ZNF385D: variants seen among roughly 807,000 people sequenced by gnomAD.
ZNF385D encodes the protein zinc finger protein 659.
ZNF385D carries 15 observed loss-of-function variants against 35.8 expected under a neutral mutation model. The observed-to-expected ratio is 0.42, with a 90% confidence interval of 0.28 to 0.64. ZNF385D has a LOEUF of 0.64. ZNF385D is among the 30% of genes least tolerant of loss of function. The pLI is 0.23. For synonymous variants in ZNF385D, 212 were observed against 186.8 expected (o/e 1.13, Z -1.10); for missense variants, 474 against 494.6 (o/e 0.96, Z 0.39).
intron 3 of ZNF385D, among the ~76,000 whole-genome samples, chr3:22,061,494 A>G (rs552729591): frequency 1.3e-4 from 20 of 152,178 alleles, no homozygotes; most frequent in African/African-American, 3.6e-4. Flanking sequence ...CTCACTCTTA[A>G]AAGTATACCA....
chr3:22,095,755 G>A (rs186373573), intron 3 of ZNF385D, among the ~76,000 whole-genome samples: 192 of 151,930 alleles, frequency 1.3e-3, no homozygotes, highest in African/African-American at 4.3e-3. Context: ...ATTTCATTAT[G>A]TGGCATCAGT....
intron 3 of ZNF385D, among the ~76,000 whole-genome samples, chr3:21,928,560 A>G (rs34815085): frequency 0.54 from 81,643 of 151,990 alleles, 23,975 homozygotes; most frequent in Non-Finnish European, 0.66. Context: ...ATATTTCATA[A>G]TTTGTTATTT....
intron 2 of ZNF385D, among the ~76,000 whole-genome samples, chr3:22,203,299 A>C (rs545974248): frequency 5.9e-5 from 9 of 152,194 alleles, no homozygotes; most frequent in African/African-American, 2.2e-4. Flanking sequence ...ACAGAAGGGA[A>C]TATGCTGCCT....
intron 1 of ZNF385D, among the ~76,000 whole-genome samples, chr3:21,690,500 C>G (rs748957065): frequency 6.6e-6 from 1 of 152,172 alleles, no homozygotes; most frequent in Non-Finnish European, 1.5e-5. Context: ...CCCAACTTAA[C>G]TTCTTAATTT....
At chr3:22,141,614 G>A (rs1704507957) in intron 3 of ZNF385D, among the ~76,000 whole-genome samples, 1 of 152,116 alleles carries the variant, frequency 6.6e-6, no homozygotes, top group Non-Finnish European at 1.5e-5. Flanking sequence ...CTGGCCTGCT[G>A]TTCACCTTGT....
intron 2 of ZNF385D, among the ~76,000 whole-genome samples, chr3:22,331,847 C>T (rs754579854): frequency 6.6e-6 from 1 of 152,100 alleles, no homozygotes; most frequent in African/African-American, 2.4e-5. Context: ...AGATTCAAAA[C>T]TGACATCATT....
At chr3:21,865,828 T>A (rs1308049564) in intron 3 of ZNF385D, among the ~76,000 whole-genome samples, 1 of 152,110 alleles carries the variant, frequency 6.6e-6, no homozygotes, top group Non-Finnish European at 1.5e-5. Flanking sequence ...CTTTACTACT[T>A]CAATACAACC....
chr3:22,200,964 T>C (rs919369845), intron 2 of ZNF385D, among the ~76,000 whole-genome samples: 6 of 152,150 alleles, frequency 3.9e-5, no homozygotes, highest in African/African-American at 1.2e-4. Flanking sequence ...AGATTTCATA[T>C]TGTTCAAACA....
chr3:21,688,142 T>C, intron 1 of ZNF385D, among the ~76,000 whole-genome samples: 1 of 152,242 alleles, frequency 6.6e-6, no homozygotes, highest in South Asian at 2.1e-4. Context: ...CTCTACTGCT[T>C]TCTTTTTTTA....
intron 3 of ZNF385D, among the ~76,000 whole-genome samples, chr3:22,080,636 A>G (rs999531804): frequency 1.3e-5 from 2 of 152,068 alleles, no homozygotes; most frequent in African/African-American, 2.4e-5. Context: ...TATCCATTTT[A>G]TATATGAAAT....
intron 2 of ZNF385D, among the ~76,000 whole-genome samples, chr3:22,239,148 T>A (rs1699351132): frequency 6.6e-6 from 1 of 151,158 alleles, no homozygotes; most frequent in Non-Finnish European, 1.5e-5. Context: ...GAAATGGTTT[T>A]AAACTAAGTT....
At chr3:22,116,404 AT>A (rs1254842272) in intron 3 of ZNF385D, among the ~76,000 whole-genome samples, 3 of 152,056 alleles carry the variant, frequency 2.0e-5, no homozygotes, top group Non-Finnish European at 4.4e-5. Flanking sequence ...TACTCAGATT[AT>A]TTTGTTCATT....
chr3:21,683,064 G>C lies in ZNF385D; in HGVS notation c.23-18036C>G, dbSNP rs2066967647. The stretch of plus-strand genomic sequence containing the variant: ...CCCTACTTCAAGTTTTGATTTCTGA[G>C]TGGGAGCTGCTAATTTGCATTACTT... On this transcript the variant is annotated intron_variant, in intron 1 of 7. Transcript: ENST00000281523. Among the ~76,000 whole-genome samples, 2 of 149,786 alleles carry C rather than the reference G, an allele frequency of 1.3e-5. 1 individual carries two copies. The highest frequency in any genetic ancestry group is 4.3e-4 in the South Asian group (2 of 4,638).
At chr3:21,640,136 C>T (rs986407150) in intron 2 of ZNF385D, among the ~76,000 whole-genome samples, 4 of 151,960 alleles carry the variant, frequency 2.6e-5, no homozygotes, top group African/African-American at 9.7e-5. Flanking sequence ...AATAAAGAAG[C>T]CTGGACTCCA....
chr3:21,964,606 C>T (rs1213633124), intron 3 of ZNF385D, among the ~76,000 whole-genome samples: 1 of 150,066 alleles, frequency 6.7e-6, no homozygotes, highest in Non-Finnish European at 1.5e-5. Context: ...TCTCCTGCCT[C>T]CGCCTCCTGA....
At chr3:22,289,638 G>A (rs937105) in intron 2 of ZNF385D, among the ~76,000 whole-genome samples, 8 of 151,946 alleles carry the variant, frequency 5.3e-5, no homozygotes, top group Non-Finnish European at 8.8e-5. Context: ...TGGGAATGCC[G>A]GTGTGCTTAT....
At chr3:21,575,513 A>T (rs1233985507) in intron 2 of ZNF385D, among the ~76,000 whole-genome samples, 1 of 152,148 alleles carries the variant, frequency 6.6e-6, no homozygotes, top group Non-Finnish European at 1.5e-5. Context: ...AGCATTTTTT[A>T]ATACACCAAG....
intron 2 of ZNF385D, among the ~76,000 whole-genome samples, chr3:21,648,515 A>G (rs915921775): frequency 6.6e-6 from 1 of 152,200 alleles, no homozygotes; most frequent in Non-Finnish European, 1.5e-5. Context: ...TGCTTCTTGC[A>G]CAAATCAAGA....
At chr3:21,951,707 T>G (rs1172214380) in intron 3 of ZNF385D, among the ~76,000 whole-genome samples, 2 of 151,594 alleles carry the variant, frequency 1.3e-5, no homozygotes, top group African/African-American at 4.9e-5. Context: ...TGGTCTTTAT[T>G]CAGGCCCTAC....
Sources: gnomAD v4.1 joint callset for allele counts (sites outside exome capture counted in the v4.1 genomes callset) on GRCh38, gnomAD v4.1.1 for gene constraint, MANE v1.5 for transcripts, NCBI Gene and HGNC (gene_info 2026-07-23, HGNC 2026-07-21) for gene names.